The following NARF variants were observed in gnomAD, a reference collection of about 807,000 sequenced individuals.
The protein encoded by NARF is nuclear prelamin A recognition factor.
Under a neutral mutation model 48.0 loss-of-function variants are expected in NARF, and 41 were observed. The ratio of observed to expected loss-of-function variants is 0.85; its 90% confidence interval spans 0.66 to 1.11. The LOEUF (loss-of-function observed/expected upper bound fraction) is 1.11. NARF is among the 50% of genes least tolerant of loss of function. The pLI, the probability that NARF is intolerant of heterozygous loss-of-function variation, is 0.00. For synonymous variants in NARF, 215 were observed against 225.5 expected (o/e 0.95, Z 0.42); for missense variants, 613 against 590.2 (o/e 1.04, Z -0.40).
chr17:82,484,687 C>T (rs2044054061), intron 8 of NARF, 126 bp from the exon 9 acceptor site: 3 of 1,195,812 alleles, frequency 2.5e-6, no homozygotes, highest in Non-Finnish European at 3.4e-6. Context: ...GTTTAAACAT[C>T]TGTACAGGAT....
At chr17:82,483,267 C>A in intron 7 of NARF, 1 of 383,598 alleles carries the variant, frequency 2.6e-6, no homozygotes, top group Non-Finnish European at 5.2e-6. Context: ...TACAGCGAGA[C>A]AAGATTGCAC....
intron 8 of NARF, chr17:82,484,148 C>A: frequency 5.3e-6 from 1 of 187,846 alleles, no homozygotes; most frequent in Non-Finnish European, 1.1e-5. Flanking sequence ...GTCTATGGGG[C>A]AGTGGGGCAG....
chr17:82,459,107 C>T (rs1369350420), intron 1 of NARF: 2 of 1,184,606 alleles, frequency 1.7e-6, no homozygotes, highest in East Asian at 3.6e-5. Context: ...CCTCTCGTGC[C>T]GCGCACCACA....
rs201499735 is a variant in NARF, at chr17:82,472,577, A to G, written c.399A>G (p.Val133=). The change falls in exon 5 of 11, where the codon GTA becomes GTG. Residue 133 remains valine (V), a synonymous_variant. Transcript: ENST00000309794. The part of the protein sequence containing the change: ...GFLKSLGVHY[V]FDTTIAADFS... Reference sequence around the variant, plus strand: ...TCTCTCCTGCAGGGGTGCACTATGTATTTGATACGACGATAGCTGCGGATT... The same window carrying G: ...TCTCTCCTGCAGGGGTGCACTATGTGTTTGATACGACGATAGCTGCGGATT... 586 of 1,613,192 alleles carry G rather than the reference A, an allele frequency of 3.6e-4. 5 individuals are homozygous for G. The South Asian group carries it at 4.4e-3, about 12-fold the overall frequency.
intron 1 of NARF, 68 bp from the exon 2 acceptor site, chr17:82,459,924 G>GA: frequency 8.6e-7 from 1 of 1,168,888 alleles, no homozygotes; most frequent in South Asian, 1.3e-5. Flanking sequence ...TCATTGGTCA[G>GA]AATGTGCACA....
chr17:82,458,512 C>A, upstream of NARF: 1 of 382,018 alleles, frequency 2.6e-6, no homozygotes, highest in Admixed American at 4.6e-5. Context: ...CGGCGCCGTA[C>A]GTGGAGTGAG....
chr17:82,485,043 A>G (rs1297737144), intron 9 of NARF, 93 bp downstream of exon 9: 86 of 1,429,168 alleles, frequency 6.0e-5, no homozygotes, highest in Non-Finnish European at 7.7e-5. Context: ...GGTTCTATGG[A>G]TGGAGTTTAC....
intron 2 of NARF, chr17:82,462,905 G>A (rs1338891425): frequency 6.6e-6 from 1 of 152,456 alleles, no homozygotes; most frequent in Admixed American, 6.5e-5. Context: ...GGGCTGTGGA[G>A]GCACAATTCA....
rs772725025 is a variant in NARF at position 82,472,570 on chromosome 17, A to T, written c.392A>T (p.His131Leu). Residue 131 changes from histidine (H) to leucine (L), a missense_variant, in exon 5 of 11, where the codon CAC (histidine) becomes CTC (leucine). Coordinates refer to ENST00000309794, the MANE Select transcript of NARF (RefSeq NM_012336.4). ...ATGCTCCTCTCTCCTGCAGGGGTGC[A>T]CTATGTATTTGATACGACGATAGCT... ...LCGFLKSLGV[H>L]YVFDTTIAAD... The T allele has an allele frequency of 6.2e-7, 1 of 1,612,426 alleles. No individual in the cohort carries two copies.
chr17:82,465,516 T>C (rs878970256), intron 3 of NARF, among the ~76,000 whole-genome samples: 1 of 152,104 alleles, frequency 6.6e-6, no homozygotes, highest in Admixed American at 6.6e-5. Flanking sequence ...CAAGGAGCCT[T>C]CTCAGCGTTT....
intron 5 of NARF, among the ~76,000 whole-genome samples, chr17:82,475,032 G>A (rs1027957721): frequency 6.6e-6 from 1 of 152,286 alleles, no homozygotes; most frequent in South Asian, 2.1e-4. Flanking sequence ...GTGTTTCCAG[G>A]TGTAAAGGGA....
Position 82,472,626 on chromosome 17 carries a change from G to C in NARF, c.448G>C (p.Glu150Gln). The change falls in exon 5 of 11, where the codon GAA (glutamate) becomes CAA (glutamine). Residue 150 changes from glutamate (E) to glutamine (Q), a missense_variant. Physicochemically the swap from Glu to Gln is conservative, Grantham distance 29. Coordinates refer to ENST00000309794, the MANE Select transcript of NARF (RefSeq NM_012336.4). The part of the protein sequence containing the change: ...ADFSILESQK[E>Q]FVRRYRQHSE... ...TTTTAGTATCCTGGAGAGTCAAAAA[G>C]AATTCGTGCGTCGCTATCGCCAGCA... 6.2e-7 allele frequency: 1 copy of C among 1,613,968 alleles called. No homozygotes were observed.
intron 5 of NARF, chr17:82,477,778 T>A (rs2043866937): frequency 6.6e-6 from 1 of 152,164 alleles, no homozygotes; most frequent in South Asian, 2.1e-4. Context: ...AGTCCCAAAG[T>A]GTTGGGATTA....
chr17:82,478,267 C>T (rs1011797742), intron 5 of NARF, among the ~76,000 whole-genome samples: 5 of 152,232 alleles, frequency 3.3e-5, no homozygotes, highest in African/African-American at 1.2e-4. Context: ...ATTGTGCGGG[C>T]ATGTAGTGAC....
chr17:82,488,079 C>T lies in NARF; in HGVS notation c.1293C>T (p.Ser431=). 6.2e-7 allele frequency: 1 copy of T among 1,614,042 alleles called. No homozygotes were observed. Among genetic ancestry groups the T allele is most frequent in the African/African-American group, 1.3e-5 (1 of 75,044 alleles). The part of the protein sequence containing the change: ...LYQEWLEGIN[S]PKAREVLHTT... Reference sequence around the variant, plus strand: ...AGGAGTGGCTGGAGGGGATCAACTCCCCCAAGGCCCGAGAGGTGCTGCATA... The same window carrying T: ...AGGAGTGGCTGGAGGGGATCAACTCTCCCAAGGCCCGAGAGGTGCTGCATA... The change falls in exon 11 of 11, where the codon TCC becomes TCT. Residue 431 remains serine (S), a synonymous_variant. Coordinates refer to ENST00000309794, the MANE Select transcript of NARF (RefSeq NM_012336.4).
At chr17:82,459,872 AT>A in intron 1 of NARF, 119 bp from the exon 2 acceptor site, 3 of 768,732 alleles carry the variant, frequency 3.9e-6, no homozygotes, top group Non-Finnish European at 6.0e-6. Context: ...GTCTAAAAAA[AT>A]AAATAAATAA....
At chr17:82,469,408 T>C (rs2043645614) in intron 4 of NARF, among the ~76,000 whole-genome samples, 1 of 152,174 alleles carries the variant, frequency 6.6e-6, no homozygotes, top group Non-Finnish European at 1.5e-5. Context: ...AACGCTGGAA[T>C]AGTACTACCT....
At chr17:82,478,600 G>A in intron 5 of NARF, 200 bp from the exon 6 acceptor site, 2 of 662,624 alleles carry the variant, frequency 3.0e-6, no homozygotes, top group Non-Finnish European at 5.5e-6. Context: ...TAGCCTCCAG[G>A]CCTGCAGGTT....
intron 5 of NARF, among the ~76,000 whole-genome samples, chr17:82,476,292 C>G (rs995566165): frequency 6.6e-6 from 1 of 152,172 alleles, no homozygotes; most frequent in Non-Finnish European, 1.5e-5. Flanking sequence ...CAGGCACTTG[C>G]CACCATGCCC....
Sources: gnomAD v4.1 joint callset for allele counts (sites outside exome capture counted in the v4.1 genomes callset) on GRCh38, gnomAD v4.1.1 for gene constraint, MANE v1.5 for transcripts, NCBI Gene and HGNC (gene_info 2026-07-23, HGNC 2026-07-21) for gene names.